The following COLEC11 variants were observed in gnomAD, a reference collection of about 807,000 sequenced individuals.
The protein encoded by COLEC11 is collectin-11.
In COLEC11, 20 loss-of-function variants were observed where a neutral mutation model predicts 27.3. The ratio of observed to expected loss-of-function variants is 0.73; its 90% CI spans 0.51 to 1.06. The LOEUF is 1.06. COLEC11 is among the 50% of genes least tolerant of loss of function. COLEC11 has a pLI of 0.00. For missense variants in COLEC11, 310 were observed against 383.0 expected (o/e 0.81, Z 1.59); for synonymous variants, 163 against 154.7 (o/e 1.05, Z -0.40).
chr2:3,597,919 T>C (rs543273785), intron 1 of COLEC11, among the ~76,000 whole-genome samples: 1 of 152,256 alleles, frequency 6.6e-6, no homozygotes, highest in Non-Finnish European at 1.5e-5. Flanking sequence ...TTGTATTTTT[T>C]ATTTTTATTT....
intron 4 of COLEC11, among the ~76,000 whole-genome samples, chr2:3,637,812 C>T (rs1016523148): frequency 1.3e-5 from 2 of 152,120 alleles, no homozygotes; most frequent in South Asian, 2.1e-4. Context: ...TGCGGTGAAG[C>T]GCTCCCCATT....
intron 3 of COLEC11, among the ~76,000 whole-genome samples, chr2:3,615,843 CGGGCAG>C (rs1663655278): frequency 4.9e-5 from 1 of 20,584 alleles, no homozygotes; most frequent in Admixed American, 7.3e-4. Flanking sequence ...GGCGGCTGGC[CGGGCAG>C]GGGCTGCCCC....
chr2:3,622,430 C>T (rs1382593522), intron 3 of COLEC11, among the ~76,000 whole-genome samples: 1 of 152,188 alleles, frequency 6.6e-6, no homozygotes, highest in Non-Finnish European at 1.5e-5. Context: ...TTACACATAA[C>T]CATTACACCA....
chr2:3,614,084 C>T lies in COLEC11; in HGVS notation c.202+702C>T, dbSNP rs1663466453. ...CTTCTCCTCCCAGGTTCAAGCTATT[C>T]TCCTGCCTCAACCTGTTGAGTAGCT... On this transcript the variant is annotated intron_variant, in intron 3 of 6. Coordinates refer to ENST00000349077, the MANE Select transcript of COLEC11 (RefSeq NM_024027.5). 4.7e-5 allele frequency among the ~76,000 whole-genome samples: 7 copies of T among 149,854 alleles called. No homozygotes were observed. In the South Asian group the frequency reaches 1.5e-3, roughly 32 times the overall value.
intron 1 of COLEC11, among the ~76,000 whole-genome samples, chr2:3,595,374 A>T (rs546996360): frequency 6.6e-6 from 1 of 152,342 alleles, no homozygotes; most frequent in East Asian, 1.9e-4. Context: ...CATGGCGGAA[A>T]TTCGTGGAGC....
At chr2:3,598,884 G>T (rs904550796) in intron 1 of COLEC11, among the ~76,000 whole-genome samples, 1 of 152,224 alleles carries the variant, frequency 6.6e-6, no homozygotes, top group African/African-American at 2.4e-5. Context: ...AAGGTACAAG[G>T]TTGTTTTGGG....
chr2:3,636,651 T>C (rs1665436915), intron 3 of COLEC11, among the ~76,000 whole-genome samples: 2 of 152,220 alleles, frequency 1.3e-5, no homozygotes, highest in Admixed American at 6.5e-5. Context: ...TTTTTCCCTA[T>C]GTACTTGTTT....
intron 5 of COLEC11, chr2:3,641,297 T>C: frequency 7.7e-7 from 1 of 1,303,936 alleles, no homozygotes; most frequent in Non-Finnish European, 1.0e-6. Flanking sequence ...TGCTTGCCGG[T>C]GTGACTTGGC....
chr2:3,613,289 A>G (rs747819712), intron 2 of COLEC11, 22 bp from the exon 3 acceptor site: 1 of 1,604,838 alleles, frequency 6.2e-7, no homozygotes, highest in Admixed American at 1.7e-5. Context: ...GAGCTGCTAA[A>G]TGGATGTGAC....
chr2:3,605,003 C>G (rs201206682), intron 2 of COLEC11: 94 of 468,682 alleles, frequency 2.0e-4, no homozygotes, highest in East Asian at 2.8e-4. Flanking sequence ...AATCTGCTCC[C>G]GGATAGAGAT....
At chr2:3,618,603 A>C (rs935840883) in intron 3 of COLEC11, among the ~76,000 whole-genome samples, 9 of 152,322 alleles carry the variant, frequency 5.9e-5, no homozygotes, top group South Asian at 4.1e-4. Flanking sequence ...ATAATTTGAA[A>C]TCAGGAAGTG....
chr2:3,616,456 C>T (rs1663743292), intron 3 of COLEC11, among the ~76,000 whole-genome samples: 1 of 152,206 alleles, frequency 6.6e-6, no homozygotes, highest in African/African-American at 2.4e-5. Flanking sequence ...CACTGCACTC[C>T]AGCCTGGGCA....
At position 3,643,455 on chromosome 2, in the gene COLEC11, G is replaced by C. The variant is rs1174072683; in HGVS notation, c.340G>C (p.Glu114Gln). The C allele has an allele frequency of 6.2e-7, 1 of 1,613,590 alleles. No individual in the cohort carries two copies. The highest frequency in any genetic ancestry group is 2.2e-5 in the East Asian group (1 of 44,858). The change falls in exon 6 of 7, where the codon GAG becomes CAG. Residue 114 changes from glutamate to glutamine, a missense_variant. Physicochemically the swap from Glu to Gln is conservative, Grantham distance 29. Transcript: ENST00000349077. ...CCTGGCCCCCGCAGGCCTCCCATGT[G>C]AGTGCAGCCAGCTGCGCAAGGCCAT... ...GPNGEPGLPC[E>Q]CSQLRKAIGE...
At chr2:3,603,281 C>T (rs1662372573) in intron 1 of COLEC11, 1 of 179,054 alleles carries the variant, frequency 5.6e-6, no homozygotes, top group Admixed American at 5.7e-5. Flanking sequence ...TGAGTAGTTT[C>T]CATTGCCCTC....
chr2:3,615,485 G>A (rs1023365657), intron 3 of COLEC11, among the ~76,000 whole-genome samples: 4 of 152,222 alleles, frequency 2.6e-5, no homozygotes, highest in African/African-American at 9.7e-5. Flanking sequence ...GCATCCCAAG[G>A]CAGAAGAATT....
intron 2 of COLEC11, chr2:3,606,192 A>C (rs768596832): frequency 6.5e-7 from 1 of 1,550,218 alleles, no homozygotes; most frequent in African/African-American, 1.4e-5. Flanking sequence ...TCCCTGCCCA[A>C]TGTGGTGGGT....
intron 2 of COLEC11, among the ~76,000 whole-genome samples, chr2:3,609,586 A>G (rs1447529120): frequency 2.0e-5 from 3 of 151,554 alleles, no homozygotes; most frequent in South Asian, 2.1e-4. Context: ...CTGCAGTGCA[A>G]TAGCGTGATC....
chr2:3,615,268 T>C (rs1449519059), intron 3 of COLEC11, among the ~76,000 whole-genome samples: 1 of 152,218 alleles, frequency 6.6e-6, no homozygotes, highest in African/African-American at 2.4e-5. Flanking sequence ...CTGGTTTTCC[T>C]AGGCAGAGGA....
At chr2:3,623,101 A>T (rs1461428118) in intron 3 of COLEC11, among the ~76,000 whole-genome samples, 1 of 152,166 alleles carries the variant, frequency 6.6e-6, no homozygotes, top group Non-Finnish European at 1.5e-5. Flanking sequence ...AGTACTTTGA[A>T]TATATGATCC....
Sources: gnomAD v4.1 joint callset for allele counts (sites outside exome capture counted in the v4.1 genomes callset) on GRCh38, gnomAD v4.1.1 for gene constraint, MANE v1.5 for transcripts, NCBI Gene and HGNC (gene_info 2026-07-23, HGNC 2026-07-21) for gene names.